SCEL: variants seen among roughly 807,000 people sequenced by gnomAD.
The protein encoded by SCEL is sciellin.
Under a neutral mutation model 117.6 loss-of-function variants are expected in SCEL, and 113 were observed. That is an observed-to-expected ratio of 0.96 (90% CI 0.83 to 1.12). The LOEUF is 1.12. Ranked by LOEUF, SCEL falls within the 50% of genes most tolerant of loss-of-function variation. SCEL has a pLI of 0.00. For missense variants in SCEL, 785 were observed against 810.8 expected, an observed-to-expected ratio of 0.97 and a Z score of 0.39; for synonymous variants, 270 against 256.2, an observed-to-expected ratio of 1.05 and a Z score of -0.51.
intron 9 of SCEL, among the ~76,000 whole-genome samples, chr13:77,584,123 A>G (rs1170639873): frequency 2.0e-5 from 3 of 152,192 alleles, no homozygotes; most frequent in African/African-American, 7.2e-5. Flanking sequence ...ATCGCATCTC[A>G]AAGCAGAATT....
At chr13:77,558,157 G>A (rs969967377) in intron 3 of SCEL, among the ~76,000 whole-genome samples, 3 of 152,190 alleles carry the variant, frequency 2.0e-5, no homozygotes, top group African/African-American at 7.2e-5. Context: ...GACGAGTGAC[G>A]ATAGAATGTA....
chr13:77,630,629 A>G (rs775612375), intron 28 of SCEL, among the ~76,000 whole-genome samples: 2 of 152,232 alleles, frequency 1.3e-5, no homozygotes, highest in Non-Finnish European at 2.9e-5. Context: ...CAAAGCAGCC[A>G]TATCATTTTA....
At chr13:77,543,212 T>A (rs1258463140) in intron 1 of SCEL, among the ~76,000 whole-genome samples, 4 of 150,678 alleles carry the variant, frequency 2.7e-5, no homozygotes, top group Non-Finnish European at 5.9e-5. Flanking sequence ...GCCTCCCAAG[T>A]AGCTGGGACT....
intron 11 of SCEL, among the ~76,000 whole-genome samples, chr13:77,593,032 A>ATAAT (rs535222942): frequency 2.0e-5 from 3 of 152,154 alleles, no homozygotes; most frequent in Non-Finnish European, 4.4e-5. Flanking sequence ...GTGAAAAGGA[A>ATAAT]TAATTAATTA....
At position 77,568,078 on chromosome 13, in the gene SCEL, A is replaced by G. The variant is rs1407518655; in HGVS notation, c.360-217A>G. ...AACAAATAAAAATATTGGGCTTAAA[A>G]GATACTAAATTTTCAGAAGAAAAAA... On this transcript the variant is annotated intron_variant, in intron 6 of 32. Transcript: ENST00000349847. 2.0e-5 allele frequency among the ~76,000 whole-genome samples: 3 copies of G among 152,236 alleles called. No individual in the cohort carries two copies. In the South Asian group the frequency reaches 6.2e-4, roughly 31 times the overall value.
Position 77,602,697 on chromosome 13 carries a change from A to C in SCEL, c.1021A>C (p.Asn341His), listed in dbSNP as rs149013132. Residue 341 changes from asparagine (N) to histidine (H), a missense_variant, in exon 17 of 33, where the codon AAT becomes CAT. Coordinates refer to ENST00000349847, the MANE Select transcript of SCEL (RefSeq NM_144777.3). The stretch of plus-strand genomic sequence containing the variant: ...TGTTGCTAAAGTGAATGCCAGGATG[A>C]ATAAAACGAGCAGAAGGTGAGAACT... ...ESVAKVNARM[N>H]KTSRRSEDLD... is the part of the protein sequence containing the mutation. The C allele has an allele frequency of 1.2e-6, 2 of 1,613,780 alleles. No homozygotes were observed. The highest frequency in any genetic ancestry group is 2.2e-5 in the East Asian group (1 of 44,834).
intron 27 of SCEL, among the ~76,000 whole-genome samples, chr13:77,620,231 A>G (rs2089334860): frequency 6.6e-6 from 1 of 152,146 alleles, no homozygotes; most frequent in African/African-American, 2.4e-5. Flanking sequence ...AGACTGAACC[A>G]TCTATTTGAA....
chr13:77,566,946 C>T (rs913620382), intron 5 of SCEL, among the ~76,000 whole-genome samples: 1 of 152,038 alleles, frequency 6.6e-6, no homozygotes, highest in African/African-American at 2.4e-5. Flanking sequence ...TGTGGTCTCC[C>T]TGATTGCTCA....
chr13:77,580,027 A>G (rs1196403737), intron 9 of SCEL, among the ~76,000 whole-genome samples: 1 of 152,232 alleles, frequency 6.6e-6, no homozygotes, highest in Admixed American at 6.5e-5. Flanking sequence ...ATCTGATGTT[A>G]TGTGGGAAAA....
intron 10 of SCEL, among the ~76,000 whole-genome samples, chr13:77,589,963 A>G (rs1418865755): frequency 1.3e-5 from 2 of 152,126 alleles, no homozygotes; most frequent in African/African-American, 2.4e-5. Flanking sequence ...CCACATTTCC[A>G]TTATTATTGT....
intron 8 of SCEL, among the ~76,000 whole-genome samples, chr13:77,569,855 G>T (rs576559778): frequency 1.3e-5 from 2 of 152,264 alleles, no homozygotes; most frequent in African/African-American, 4.8e-5. Flanking sequence ...CAGAGTCAAA[G>T]ACCCTTTCTG....
chr13:77,628,170 G>GTGTATATATATATATATATA (rs10700333), intron 28 of SCEL, among the ~76,000 whole-genome samples, 161 bp downstream of exon 28: 17 of 139,740 alleles, frequency 1.2e-4, no homozygotes, highest in African/African-American at 4.2e-4. Flanking sequence ...ATATGTGTGT[G>GTGTATATATATATATATATA]TATATATATA....
chr13:77,570,361 T>G (rs1004691388), intron 8 of SCEL, among the ~76,000 whole-genome samples: 3 of 152,218 alleles, frequency 2.0e-5, no homozygotes, highest in Admixed American at 2.0e-4. Flanking sequence ...TTCCTAAGTT[T>G]GAAAGAGAAA....
At chr13:77,541,846 C>A (rs367902990) in intron 1 of SCEL, among the ~76,000 whole-genome samples, 8 of 152,068 alleles carry the variant, frequency 5.3e-5, no homozygotes, top group South Asian at 2.1e-4. Context: ...CATGACAGAG[C>A]TTTTGTGAAT....
intron 12 of SCEL, among the ~76,000 whole-genome samples, chr13:77,596,561 A>T (rs2087243765): frequency 6.6e-6 from 1 of 152,192 alleles, no homozygotes; most frequent in Non-Finnish European, 1.5e-5. Flanking sequence ...ACTCACCCAG[A>T]TTCACCAATG....
At chr13:77,614,197 A>G (rs946093509) in intron 24 of SCEL, among the ~76,000 whole-genome samples, 1 of 152,164 alleles carries the variant, frequency 6.6e-6, no homozygotes, top group Admixed American at 6.6e-5. Flanking sequence ...GATTGGACAA[A>G]TGGGCAGGAA....
chr13:77,585,384 T>C (rs988461103), intron 9 of SCEL, among the ~76,000 whole-genome samples: 1 of 152,090 alleles, frequency 6.6e-6, no homozygotes, highest in Non-Finnish European at 1.5e-5. Context: ...AAGGAGGTGC[T>C]CCACAGCGGG....
intron 27 of SCEL, among the ~76,000 whole-genome samples, chr13:77,626,086 G>A (rs1055448917): frequency 6.6e-6 from 1 of 152,148 alleles, no homozygotes; most frequent in African/African-American, 2.4e-5. Flanking sequence ...ATAAAAAGAG[G>A]TTTAATGGAC....
chr13:77,599,725 C>A lies in SCEL; in HGVS notation c.894C>A (p.Thr298=), dbSNP rs758528331. Residue 298 remains threonine, a synonymous_variant, in exon 15 of 33, where the codon ACC becomes ACA. Transcript: ENST00000349847. ...KSLESLIYMS[T]RTDKDGKGIQ... ...TTGAAAGTCTCATCTATATGAGTACCCGGACAGATAAAGATGGCAAAGGGT... is the reference window on the plus strand; with the variant it reads ...TTGAAAGTCTCATCTATATGAGTACACGGACAGATAAAGATGGCAAAGGGT... 21 of 1,611,598 alleles carry A rather than the reference C, an allele frequency of 1.3e-5. No individual in the cohort carries two copies. The highest frequency in any genetic ancestry group is 1.6e-5 in the Non-Finnish European group (19 of 1,177,882).
Sources: gnomAD v4.1 joint callset for allele counts (sites outside exome capture counted in the v4.1 genomes callset) on GRCh38, gnomAD v4.1.1 for gene constraint, MANE v1.5 for transcripts, NCBI Gene and HGNC (gene_info 2026-07-23, HGNC 2026-07-21) for gene names.